Variants in ZSWIM5 observed in about 807,000 individuals in gnomAD.
ZSWIM5 encodes the protein zinc finger SWIM domain-containing protein 5.
ZSWIM5 carries 55 observed loss-of-function variants against 119.6 expected under a neutral mutation model. That is an observed-to-expected ratio of 0.46 (90% confidence interval 0.37 to 0.58). The LOEUF is 0.58. ZSWIM5 is among the 20% of genes least tolerant of loss of function. ZSWIM5 has a pLI of 0.00. For missense variants in ZSWIM5, 1,193 were observed against 1,512.8 expected (o/e 0.79, Z 3.51); for synonymous variants, 537 against 606.9 (o/e 0.88, Z 1.69).
chr1:45,091,903 G>A (rs552380743), intron 1 of ZSWIM5, among the ~76,000 whole-genome samples: 172 of 151,856 alleles, frequency 1.1e-3, no homozygotes, highest in African/African-American at 3.8e-3. Flanking sequence ...TGAGGTCAGG[G>A]CTTTCTCTGT....
chr1:45,050,723 C>T (rs1363903702), intron 5 of ZSWIM5, among the ~76,000 whole-genome samples: 1 of 152,092 alleles, frequency 6.6e-6, no homozygotes, highest in Non-Finnish European at 1.5e-5. Flanking sequence ...TTGTTCCTCC[C>T]CTAAGTTAGG....
intron 1 of ZSWIM5, among the ~76,000 whole-genome samples, chr1:45,183,742 T>C (rs1646037919): frequency 6.6e-6 from 1 of 152,148 alleles, no homozygotes; most frequent in South Asian, 2.1e-4. Flanking sequence ...GGAGCTGAAA[T>C]TGTGGCAATA....
At chr1:45,095,670 G>C (rs1401297335) in intron 1 of ZSWIM5, among the ~76,000 whole-genome samples, 2 of 152,106 alleles carry the variant, frequency 1.3e-5, no homozygotes, top group Non-Finnish European at 2.9e-5. Context: ...ACGCCTGATT[G>C]TCTTTCTTTT....
intron 1 of ZSWIM5, among the ~76,000 whole-genome samples, chr1:45,117,121 A>AT (rs961070884): frequency 2.0e-5 from 3 of 152,206 alleles, no homozygotes; most frequent in Non-Finnish European, 4.4e-5. Context: ...GAAAAAAGGA[A>AT]TTTTTATAAG....
chr1:45,185,078 G>C (rs1055156644), intron 1 of ZSWIM5, among the ~76,000 whole-genome samples: 34 of 152,096 alleles, frequency 2.2e-4, no homozygotes, highest in Admixed American at 8.5e-4. Context: ...CAGAACAGAG[G>C]CCTCAGAAAT....
At chr1:45,041,445 G>C (rs1645017586) in intron 6 of ZSWIM5, among the ~76,000 whole-genome samples, 1 of 151,644 alleles carries the variant, frequency 6.6e-6, no homozygotes, top group Non-Finnish European at 1.5e-5. Flanking sequence ...TAGAATTGCG[G>C]AAAATTTGAA....
intron 1 of ZSWIM5, among the ~76,000 whole-genome samples, chr1:45,106,878 C>A (rs1449819978): frequency 1.3e-5 from 2 of 152,226 alleles, no homozygotes; most frequent in Non-Finnish European, 2.9e-5. Flanking sequence ...AAGAAAAATT[C>A]TTCTGCCTTG....
intron 1 of ZSWIM5, among the ~76,000 whole-genome samples, chr1:45,130,551 C>CCTATCAGAATGG (rs1553196986): frequency 6.6e-6 from 1 of 152,000 alleles, no homozygotes; most frequent in Admixed American, 6.6e-5. Context: ...TCACAACACA[C>CCTATCAGAATGG]CTATCAGAAT....
intron 1 of ZSWIM5, among the ~76,000 whole-genome samples, chr1:45,131,822 A>G (rs1228209279): frequency 6.6e-6 from 1 of 151,314 alleles, no homozygotes; most frequent in African/African-American, 2.4e-5. Flanking sequence ...TTTATGGATG[A>G]CCAAACTGAA....
chr1:45,089,206 C>A (rs1645349215), intron 1 of ZSWIM5, among the ~76,000 whole-genome samples: 2 of 152,128 alleles, frequency 1.3e-5, no homozygotes, highest in Non-Finnish European at 2.9e-5. Flanking sequence ...GTCTTGAACT[C>A]CAGGGCTCAA....
chr1:45,042,031 A>G lies in ZSWIM5; in HGVS notation c.1609+1188T>C, dbSNP rs896662633. On this transcript the variant is annotated intron_variant, in intron 6 of 13. Transcript: ENST00000359600. ...ATCAATCCCCTATTGTTGGACATTT[A>G]TATGGTTCCCAATTTTTCTCATCTG... 2.0e-5 allele frequency among the ~76,000 whole-genome samples: 3 copies of G among 152,164 alleles called. No homozygotes were observed. In the South Asian group the frequency reaches 6.2e-4, roughly 32 times the overall value.
chr1:45,078,760 T>C (rs994400804), intron 2 of ZSWIM5, among the ~76,000 whole-genome samples: 1 of 152,146 alleles, frequency 6.6e-6, no homozygotes, highest in Non-Finnish European at 1.5e-5. Flanking sequence ...CTCTTCAGGA[T>C]GGGGGGTTCC....
intron 1 of ZSWIM5, among the ~76,000 whole-genome samples, chr1:45,185,905 A>G (rs1012458302): frequency 2.0e-5 from 3 of 152,220 alleles, no homozygotes; most frequent in Non-Finnish European, 4.4e-5. Flanking sequence ...TACTGGGTAT[A>G]TACCCAAAGG....
chr1:45,109,452 A>G (rs557835602), intron 1 of ZSWIM5, among the ~76,000 whole-genome samples: 2 of 152,326 alleles, frequency 1.3e-5, no homozygotes, highest in Admixed American at 1.3e-4. Context: ...TGCTAAAAAG[A>G]AGGTTATTCC....
At chr1:45,070,539 T>G in intron 2 of ZSWIM5, 1 of 549,314 alleles carries the variant, frequency 1.8e-6, no homozygotes, top group Non-Finnish European at 3.1e-6. Flanking sequence ...TTTTTTCTGT[T>G]CTTTGCATTT....
At chr1:45,202,765 G>C (rs1454339217) in intron 1 of ZSWIM5, among the ~76,000 whole-genome samples, 2 of 151,898 alleles carry the variant, frequency 1.3e-5, no homozygotes, top group African/African-American at 4.8e-5. Flanking sequence ...AGATTTTCCT[G>C]AGAAAAAGCA....
chr1:45,029,313 C>T (rs1382684036), intron 11 of ZSWIM5, among the ~76,000 whole-genome samples: 2 of 152,348 alleles, frequency 1.3e-5, no homozygotes, highest in African/African-American at 4.8e-5. Flanking sequence ...ATGACCTTGA[C>T]ACTTTTGCAG....
chr1:45,129,077 G>A (rs1196855086), intron 1 of ZSWIM5, among the ~76,000 whole-genome samples: 1 of 150,758 alleles, frequency 6.6e-6, no homozygotes, highest in Non-Finnish European at 1.5e-5. Flanking sequence ...CCACGAACAT[G>A]AAACATCTTT....
chr1:45,114,520 G>A (rs987772841), intron 1 of ZSWIM5, among the ~76,000 whole-genome samples: 15 of 152,006 alleles, frequency 9.9e-5, no homozygotes, highest in Admixed American at 4.6e-4. Context: ...GGGTAAATTC[G>A]CTATTTTAGT....
Sources: gnomAD v4.1 joint callset for allele counts (sites outside exome capture counted in the v4.1 genomes callset) on GRCh38, gnomAD v4.1.1 for gene constraint, MANE v1.5 for transcripts, NCBI Gene and HGNC (gene_info 2026-07-23, HGNC 2026-07-21) for gene names.